Variants in SLC6A7 observed in about 807,000 individuals in gnomAD.
The protein encoded by SLC6A7 is solute carrier family 6 member 7.
SLC6A7 carries 58 observed loss-of-function variants against 73.1 expected under a neutral mutation model. The ratio of observed to expected loss-of-function variants is 0.79; its 90% CI spans 0.64 to 0.99. The LOEUF is 0.99. Among genes scored for constraint, SLC6A7 ranks in the 50% least tolerant of loss-of-function variants. SLC6A7 has a pLI of 0.00. For missense variants in SLC6A7, 783 were observed against 831.4 expected (o/e 0.94, Z 0.72); for synonymous variants, 338 against 338.7 (o/e 1.00, Z 0.02).
rs563048877 is a variant in SLC6A7 at position 150,209,362 on chromosome 5, G to A, written c.1702-44G>A. Reference sequence around the variant, plus strand: ...TGGCCACAGTGAACCCTCCACCAGCGCTGCCTGTTTCCTGTTTTCACTGCT... The same window carrying A: ...TGGCCACAGTGAACCCTCCACCAGCACTGCCTGTTTCCTGTTTTCACTGCT... On this transcript the variant is annotated intron_variant, in intron 13 of 13. Coordinates refer to ENST00000230671, the MANE Select transcript of SLC6A7 (RefSeq NM_014228.5). 119 of 1,526,830 alleles carry A rather than the reference G, an allele frequency of 7.8e-5. 2 individuals carry two copies. Among genetic ancestry groups the A allele is most frequent in the South Asian group, 7.6e-4 (68 of 89,110 alleles). 94.6% of individuals were successfully genotyped at this position (1,526,830 alleles called of 1,614,324 possible).
At position 150,209,861 on chromosome 5, in the gene SLC6A7, C is replaced by T. The variant is rs1753886658; in HGVS notation, c.*246C>T. The T allele has an allele frequency of 7.3e-6, 4 of 548,074 alleles. No homozygotes were observed. The Admixed American group carries it at 1.2e-4, about 17-fold the overall frequency. The allele number at this position is 548,074 out of a possible 1,614,324, so 34.0% of individuals were successfully genotyped here. A position where few individuals can be genotyped will look rare whatever the true frequency, so the allele number is the denominator to read the frequency against. ...AAGCTGAGAATGATCCAACTCAGCC[C>T]TACTTTGCGGATGGACATATTAAGG... On this transcript the variant is annotated 3_prime_UTR_variant, in exon 14 of 14. Coordinates refer to ENST00000230671, the MANE Select transcript of SLC6A7 (RefSeq NM_014228.5).
intron 13 of SLC6A7, among the ~76,000 whole-genome samples, chr5:150,209,088 T>G (rs1753836394): frequency 1.3e-5 from 2 of 152,242 alleles, no homozygotes; most frequent in Non-Finnish European, 2.9e-5. Context: ...CCCTGCTAAG[T>G]GCGTCATCTC....
chr5:150,201,663 C>T (rs1753389416), intron 6 of SLC6A7, among the ~76,000 whole-genome samples: 1 of 152,142 alleles, frequency 6.6e-6, no homozygotes, highest in South Asian at 2.1e-4. Context: ...TCTTATCAAG[C>T]TTACGGTCAT....
intron 2 of SLC6A7, among the ~76,000 whole-genome samples, chr5:150,196,447 C>T (rs1176966605): frequency 6.6e-6 from 1 of 152,198 alleles, no homozygotes; most frequent in African/African-American, 2.4e-5. Context: ...TTCACACATT[C>T]TCTCCCTCAT....
intron 13 of SLC6A7, among the ~76,000 whole-genome samples, chr5:150,205,958 A>C (rs1261983135): frequency 6.6e-6 from 1 of 152,180 alleles, no homozygotes; most frequent in Non-Finnish European, 1.5e-5. Context: ...AAATGGCGAC[A>C]GTGAGGGACC....
intron 6 of SLC6A7, among the ~76,000 whole-genome samples, 156 bp downstream of exon 6, chr5:150,201,379 T>C (rs1376460454): frequency 1.3e-5 from 2 of 152,184 alleles, no homozygotes; most frequent in Admixed American, 6.5e-5. Flanking sequence ...TATTTTTAAA[T>C]TGATAGGTAA....
At position 150,198,596 on chromosome 5, in the gene SLC6A7, G is replaced by A. The variant is rs113416149; in HGVS notation, c.585-632G>A. Among the ~76,000 whole-genome samples, 1,492 of 152,296 alleles carry A rather than the reference G, an allele frequency of 9.8e-3. 21 individuals carry two copies. The highest frequency in any genetic ancestry group is 0.033 in the African/African-American group (1,362 of 41,554). ...TCAGTCAGGATGCAGGCAGGAGGCCGATGGATTGTCAGAGGGTTTCACTGA... is the reference window on the plus strand; with the variant it reads ...TCAGTCAGGATGCAGGCAGGAGGCCAATGGATTGTCAGAGGGTTTCACTGA... On this transcript the variant is annotated intron_variant, in intron 4 of 13. Coordinates refer to ENST00000230671, the MANE Select transcript of SLC6A7 (RefSeq NM_014228.5).
At chr5:150,196,877 A>G (rs1260039346) in intron 3 of SLC6A7, 30 bp downstream of exon 3, 2 of 1,605,856 alleles carry the variant, frequency 1.2e-6, no homozygotes, top group African/African-American at 1.3e-5. Flanking sequence ...CAGGGAGGGA[A>G]GGGCTCAGGG....
intron 6 of SLC6A7, 87 bp downstream of exon 6, chr5:150,201,310 A>T: frequency 1.1e-6 from 1 of 950,090 alleles, no homozygotes; most frequent in South Asian, 2.0e-5. Flanking sequence ...CCGCAGTACC[A>T]GGCACTCTGC....
intron 1 of SLC6A7, among the ~76,000 whole-genome samples, chr5:150,192,991 A>G (rs1012721054): frequency 6.6e-6 from 1 of 152,098 alleles, no homozygotes; most frequent in Non-Finnish European, 1.5e-5. Context: ...GGAACGGGGC[A>G]TTGGAGGGGA....
chr5:150,195,232 T>C, intron 2 of SLC6A7: 1 of 252,760 alleles, frequency 4.0e-6, no homozygotes, highest in Non-Finnish European at 7.8e-6. Flanking sequence ...TGTATCTGCC[T>C]GCCGATGATC....
At chr5:150,199,896 G>A (rs559746611) in intron 5 of SLC6A7, among the ~76,000 whole-genome samples, 21 of 152,274 alleles carry the variant, frequency 1.4e-4, no homozygotes, top group Admixed American at 4.6e-4. Flanking sequence ...AGCTCTAGGC[G>A]TACATCTAAG....
In SLC6A7 at chr5:150,190,186, G is replaced by C. The variant is rs1180983287; in HGVS notation, c.-142G>C. ...CCGCGCTCCACGCCCGCAGCCGCCAGACGGCAGCGCCTGCGTCCGTGCCCG... is the reference window on the plus strand; with the variant it reads ...CCGCGCTCCACGCCCGCAGCCGCCACACGGCAGCGCCTGCGTCCGTGCCCG... On this transcript the variant is annotated 5_prime_UTR_variant, in exon 1 of 14. Transcript: ENST00000230671. 6 of 614,562 alleles carry C rather than the reference G, an allele frequency of 9.8e-6. No homozygotes were observed. In the Admixed American group the frequency reaches 1.7e-4, roughly 17 times the overall value. 38.1% of individuals were successfully genotyped at this position (614,562 alleles called of 1,614,324 possible).
Position 150,203,926 on chromosome 5 carries a change from TTGTGACAGC to T in SLC6A7, c.1229_1237del (p.Ala410_Thr412del), listed in dbSNP as rs767370927. 1.9e-6 allele frequency: 3 copies of T among 1,611,794 alleles called. No homozygotes were observed. The highest frequency in any genetic ancestry group is 2.5e-6 in the Non-Finnish European group (3 of 1,179,130). On this transcript the variant is annotated inframe_deletion, in exon 10 of 14. Coordinates refer to ENST00000230671, the MANE Select transcript of SLC6A7 (RefSeq NM_014228.5). ...CCTCAGTTTGCTTTTCTGGAGACCA[TTGTGACAGC>T]TGTGACAGATGAGTTCCCATACTAC...
intron 4 of SLC6A7, among the ~76,000 whole-genome samples, chr5:150,197,675 G>A (rs1261021637): frequency 6.6e-6 from 1 of 152,132 alleles, no homozygotes; most frequent in African/African-American, 2.4e-5. Flanking sequence ...CTCTGTAACA[G>A]GGGTTGGTAA....
intron 13 of SLC6A7, 65 bp from the exon 14 acceptor site, chr5:150,209,341 C>T (rs1753849130): frequency 1.5e-6 from 2 of 1,360,140 alleles, no homozygotes; most frequent in Non-Finnish European, 2.1e-6. Flanking sequence ...GGTGTCTGGC[C>T]ACAGTGAACC....
At chr5:150,207,323 T>C (rs2113989911) in intron 13 of SLC6A7, among the ~76,000 whole-genome samples, 1 of 152,264 alleles carries the variant, frequency 6.6e-6, no homozygotes, top group Admixed American at 6.5e-5. Context: ...TGACGCCATC[T>C]GGGCTCACTG....
intron 2 of SLC6A7, among the ~76,000 whole-genome samples, chr5:150,196,149 G>A (rs1189099990): frequency 3.3e-5 from 5 of 152,196 alleles, no homozygotes. Context: ...CCAGCCCCAG[G>A]TTATGATAAA....
chr5:150,208,587 CTG>C (rs1040052200), intron 13 of SLC6A7, among the ~76,000 whole-genome samples: 3 of 152,220 alleles, frequency 2.0e-5, no homozygotes, highest in African/African-American at 7.2e-5. Context: ...CTAAGTATCA[CTG>C]TGCTGTGAGT....
Sources: allele counts gnomAD v4.1 joint callset (sites outside exome capture counted in the v4.1 genomes callset), GRCh38; gene constraint gnomAD v4.1.1; transcripts MANE v1.5; gene names NCBI Gene and HGNC (gene_info 2026-07-23, HGNC 2026-07-21).